LTBP3: variants seen among roughly 807,000 people sequenced by gnomAD.
LTBP3 encodes latent transforming growth factor beta binding protein 3.
A neutral mutation model predicts 159.7 loss-of-function variants in LTBP3; 97 were observed. The observed-to-expected ratio is 0.61, with a 90% confidence interval of 0.52 to 0.72. The LOEUF (loss-of-function observed/expected upper bound fraction) is 0.72. Among genes scored for constraint, LTBP3 ranks in the 30% least tolerant of loss-of-function variants. LTBP3 has a pLI of 0.00. For missense variants in LTBP3, 1,584 were observed against 1,864.3 expected (o/e 0.85, Z 2.77); for synonymous variants, 824 against 777.1 (o/e 1.06, Z -1.00).
At chr11:65,550,438 A>G (rs1856562205) in intron 11 of LTBP3, among the ~76,000 whole-genome samples, 1 of 151,842 alleles carries the variant, frequency 6.6e-6, no homozygotes. Context: ...AAATAAAAAT[A>G]AAAATAAAAA....
chr11:65,540,091 A>C lies in LTBP3; in HGVS notation c.3307T>G (p.Ser1103Ala). Reference sequence around the variant, plus strand: ...GGCGGGCGACACTCGCAGCGGTAGGAGCCCGGCAGGTTGACGCAGCGGCCA... The same window carrying C: ...GGCGGGCGACACTCGCAGCGGTAGGCGCCCGGCAGGTTGACGCAGCGGCCA... Reference protein sequence around the residue: ...RPGRCVNLPGSYRCECRPPWV... With the variant: ...RPGRCVNLPGAYRCECRPPWV... Residue 1103 changes from serine to alanine, a missense_variant, in exon 24 of 28, where the codon TCC becomes GCC. Physicochemically the swap from Ser to Ala is moderately conservative, Grantham distance 99. Transcript: ENST00000301873. 1 of 1,526,044 alleles carries C rather than the reference A, an allele frequency of 6.6e-7. No homozygotes were observed. The highest frequency in any genetic ancestry group is 8.8e-7 in the Non-Finnish European group (1 of 1,141,146). The allele number at this position is 1,526,044 out of a possible 1,614,324, so 94.5% of individuals were successfully genotyped here. A position where few individuals can be genotyped will look rare whatever the true frequency, so the allele number is the denominator to read the frequency against.
Position 65,553,454 on chromosome 11 carries a change from C to T in LTBP3, c.941G>A (p.Ser314Asn). The change falls in exon 4 of 28, where the codon AGC becomes AAC. Residue 314 changes from serine to asparagine, a missense_variant. Transcript: ENST00000301873. The surrounding 1 kb of genome is among the most constrained non-coding windows in gnomAD (Gnocchi z 6.5). ...CAGCTGGGGACACTTGTGGCACTTG[C>T]TCTGGCCCCAGGCAGTGCCGATGCT... ...CGSIGTAWGQ[S>N]KCHKCPQLQY... 3 of 1,612,526 alleles carry T rather than the reference C, an allele frequency of 1.9e-6. No homozygotes were observed. The highest frequency in any genetic ancestry group is 2.2e-5 in the South Asian group (2 of 91,008).
At position 65,543,392 on chromosome 11, in the gene LTBP3, G is replaced by T. The variant is rs752929581; in HGVS notation, c.2476+35C>A. ...GGGGTGGGGGTCCTGGGGTAGGGAG[G>T]GACAGGTCAGCACCCCAGCTCTAAG... On this transcript the variant is annotated intron_variant, in intron 17 of 27. Coordinates refer to ENST00000301873, the MANE Select transcript of LTBP3 (RefSeq NM_001130144.3). 3 of 1,613,336 alleles carry T rather than the reference G, an allele frequency of 1.9e-6. No homozygotes were observed. In the Admixed American group the frequency reaches 5.0e-5, roughly 27 times the overall value.
rs1053251 is a variant in LTBP3, at chr11:65,539,179, C to T, written c.3813G>A (p.Glu1271=). The T allele has an allele frequency of 3.7e-5, 56 of 1,514,158 alleles. No individual in the cohort carries two copies. The South Asian group carries it at 6.6e-4, about 18-fold the overall frequency. 93.8% of individuals were successfully genotyped at this position (1,514,158 alleles called of 1,614,324 possible). The change falls in exon 28 of 28, where the codon GAG becomes GAA. Residue 1271 remains glutamate (E), a synonymous_variant. Transcript: ENST00000301873. Reference sequence around the variant, plus strand: ...AGGAGCCGCTGGTGTTCACGCAGCGCTCGCTCTTGCACAGCAGCCCGCGCT... The same window carrying T: ...AGGAGCCGCTGGTGTTCACGCAGCGTTCGCTCTTGCACAGCAGCCCGCGCT... ...LNQRGLLCKS[E]RCVNTSGSFR... is the part of the protein sequence containing the mutation.
rs1856257248 is a variant in LTBP3, at chr11:65,543,809, T to G, written c.2354-260A>C. On this transcript the variant is annotated intron_variant, in intron 16 of 27. Transcript: ENST00000301873. Reference sequence around the variant, plus strand: ...CTCTCCCTGCCCCAGCCGCTTTCACTGCTGCTCCCACCCTTCCCTCACCTG... The same window carrying G: ...CTCTCCCTGCCCCAGCCGCTTTCACGGCTGCTCCCACCCTTCCCTCACCTG... The G allele has an allele frequency of 1.9e-5, 10 of 517,784 alleles. 1 individual carries two copies. Among genetic ancestry groups the G allele is most frequent in the South Asian group, 1.8e-4 (9 of 48,702 alleles). The allele number at this position is 517,784 out of a possible 1,614,324, so 32.1% of individuals were successfully genotyped here.
At chr11:65,539,519 C>T in intron 26 of LTBP3, 29 bp downstream of exon 26, 4 of 1,606,712 alleles carry the variant, frequency 2.5e-6, no homozygotes, top group Non-Finnish European at 3.4e-6. Flanking sequence ...GCTACCAACC[C>T]CGCCACCGCC....
chr11:65,557,735 A>G lies in LTBP3; in HGVS notation c.225T>C (p.Cys75=). 6.2e-7 allele frequency: 1 copy of G among 1,607,508 alleles called. No individual in the cohort carries two copies. The highest frequency in any genetic ancestry group is 8.5e-7 in the Non-Finnish European group (1 of 1,179,812). ...AACTGTCCCGACACTGGCCCTTGAG[A>G]CAGGTCCGCTTGCAGATCACCGGCG... ...VFAPVICKRT[C]LKGQCRDSCQ... The change falls in exon 1 of 28, where the codon TGT becomes TGC. Residue 75 remains cysteine, a synonymous_variant. Coordinates refer to ENST00000301873, the MANE Select transcript of LTBP3 (RefSeq NM_001130144.3).
intron 18 of LTBP3, 37 bp from the exon 19 acceptor site, chr11:65,541,765 CCT>C (rs1489436325): frequency 1.9e-6 from 3 of 1,612,704 alleles, no homozygotes; most frequent in Non-Finnish European, 2.5e-6. Flanking sequence ...AAACCCAGCC[CCT>C]CTTTCCCTGG....
At chr11:65,549,031 C>G (rs1479919107) in intron 11 of LTBP3, 1 of 152,190 alleles carries the variant, frequency 6.6e-6, no homozygotes, top group Non-Finnish European at 1.5e-5. Flanking sequence ...GTTACTGAAC[C>G]TCTTTGAGGC....
At chr11:65,540,704 G>T (rs909502194) in intron 21 of LTBP3, 90 bp from the exon 22 acceptor site, 3 of 1,531,764 alleles carry the variant, frequency 2.0e-6, no homozygotes, top group African/African-American at 4.2e-5. Flanking sequence ...AGCCATCCCC[G>T]GGCGGGGCCT....
chr11:65,546,701 G>C lies in LTBP3; in HGVS notation c.2230+97C>G. The C allele has an allele frequency of 6.6e-7, 1 of 1,524,500 alleles. No individual in the cohort carries two copies. The highest frequency in any genetic ancestry group is 2.4e-5 in the East Asian group (1 of 42,044). The allele number at this position is 1,524,500 out of a possible 1,614,324, so 94.4% of individuals were successfully genotyped here. On this transcript the variant is annotated intron_variant, in intron 15 of 27. Transcript: ENST00000301873. The surrounding 1 kb of genome is among the most constrained non-coding windows in gnomAD (Gnocchi z 4.0). ...CTCCCGGAAGGCCCCGCCCCCAGAC[G>C]CCAATCACCACCGCTACCCCGCCCC...
At chr11:65,540,836 A>G in intron 21 of LTBP3, 35 bp downstream of exon 21, 1 of 1,586,414 alleles carries the variant, frequency 6.3e-7, no homozygotes, top group Non-Finnish European at 8.6e-7. Context: ...CCGGGGTGAG[A>G]GGGCGCGGGG....
rs71036212 is a variant in LTBP3, at chr11:65,557,854, CCAGCAGCAGCAGCAGCAGCAG to C, written c.85_105del (p.Leu29_Leu35del). The C allele has an allele frequency of 6.1e-6, 8 of 1,320,256 alleles. No individual in the cohort carries two copies. Among genetic ancestry groups the C allele is most frequent in the Non-Finnish European group, 6.8e-6 (7 of 1,026,566 alleles). The allele number at this position is 1,320,256 out of a possible 1,614,324, so 81.8% of individuals were successfully genotyped here. On this transcript the variant is annotated inframe_deletion, in exon 1 of 28. Transcript: ENST00000301873. ...CCCCCCTCGACCCTGCCGCCCAGGC[CCAGCAGCAGCAGCAGCAGCAG>C]CAGCAGCAGCGCCAGCAGCCCCGCC...
chr11:65,541,096 A>C (rs1856115594), intron 20 of LTBP3, 30 bp downstream of exon 20: 1 of 1,604,986 alleles, frequency 6.2e-7, no homozygotes, highest in African/African-American at 1.3e-5. Context: ...GAAACTGAAG[A>C]TCTGGGAAGG....
In LTBP3 at chr11:65,547,549, T is replaced by C; in HGVS notation, c.1997A>G (p.Lys666Arg). 1 of 1,613,926 alleles carries C rather than the reference T, an allele frequency of 6.2e-7. No individual in the cohort carries two copies. Among genetic ancestry groups the C allele is most frequent in the Admixed American group, 1.7e-5 (1 of 60,016 alleles). ...RSCVDLNECAKPHLCGDGGFC... is the reference protein window; with the variant it reads ...RSCVDLNECARPHLCGDGGFC... ...GCCGCCGTCGCCGCACAGGTGGGGC[T>C]TGGCGCATTCGTTCAGGTCTGTGCG... Residue 666 changes from lysine to arginine, a missense_variant, in exon 14 of 28, where the codon AAG (lysine) becomes AGG (arginine). Physicochemically the swap from Lys to Arg is conservative, Grantham distance 26 (BLOSUM62 2). Transcript: ENST00000301873. The surrounding 1 kb of genome is among the most constrained non-coding windows in gnomAD (Gnocchi z 4.6).
Position 65,554,064 on chromosome 11 carries a change from C to A in LTBP3, c.648G>T (p.Gln216His), listed in dbSNP as rs1421047268. The A allele has an allele frequency of 2.5e-6, 4 of 1,603,908 alleles. No individual in the cohort carries two copies. Among genetic ancestry groups the A allele is most frequent in the Non-Finnish European group, 3.4e-6 (4 of 1,179,424 alleles). ...GTTGCCTGGTACCTTCTGCTGAGAT[C>A]TGTCCCGGGCCTAGGGGCACCAGGA... is the stretch of plus-strand genomic sequence containing the variant. ...AAFLVPLGPG[Q>H]ISAEVQAPPP... The change falls in exon 2 of 28, where the codon CAG becomes CAT. Residue 216 changes from glutamine (Q) to histidine (H), a missense_variant. This residue lies in a region of LTBP3 where 194 missense variants were observed against 198.7 expected (regional missense o/e 0.98). Coordinates refer to ENST00000301873, the MANE Select transcript of LTBP3 (RefSeq NM_001130144.3). This position sits in a 1 kb window ranked among gnomAD's most constrained non-coding sequence, Gnocchi z 5.3.
Position 65,552,821 on chromosome 11 carries a change from G to A in LTBP3, c.1186+39C>T, listed in dbSNP as rs573133293. The A allele has an allele frequency of 2.9e-5, 46 of 1,613,978 alleles. No homozygotes were observed. In the East Asian group the frequency reaches 1.0e-3, roughly 35 times the overall value. ...ATCTCTGATCCTTGCTCCCACCCATGCCTTGTGACCTCCCAGGAACCTGAG... is the reference window on the plus strand; with the variant it reads ...ATCTCTGATCCTTGCTCCCACCCATACCTTGTGACCTCCCAGGAACCTGAG... On this transcript the variant is annotated intron_variant, in intron 6 of 27. Coordinates refer to ENST00000301873, the MANE Select transcript of LTBP3 (RefSeq NM_001130144.3). This position sits in a 1 kb window ranked among gnomAD's most constrained non-coding sequence, Gnocchi z 6.0.
At position 65,557,967 on chromosome 11, in the gene LTBP3, C is replaced by T. The variant is rs1408042223; in HGVS notation, c.-8G>A. On this transcript the variant is annotated 5_prime_UTR_variant, in exon 1 of 28. Transcript: ENST00000301873. ...CCCTCGGGGCCCGGGCATCCGGGGCCGCAGGACCCGGGGGAGGGGGGGCGC... is the reference window on the plus strand; with the variant it reads ...CCCTCGGGGCCCGGGCATCCGGGGCTGCAGGACCCGGGGGAGGGGGGGCGC... The T allele has an allele frequency of 1.7e-6, 2 of 1,149,578 alleles. No homozygotes were observed. Among genetic ancestry groups the T allele is most frequent in the Non-Finnish European group, 2.1e-6 (2 of 938,896 alleles). 71.2% of individuals were successfully genotyped at this position (1,149,578 alleles called of 1,614,324 possible).
Position 65,547,450 on chromosome 11 carries a change from G to C in LTBP3, c.2096C>G (p.Pro699Arg). 1 of 1,613,924 alleles carries C rather than the reference G, an allele frequency of 6.2e-7. No homozygotes were observed. Residue 699 changes from proline to arginine, a missense_variant, in exon 14 of 28, where the codon CCT becomes CGT. Physicochemically the swap from Pro to Arg is moderately radical, Grantham distance 103 (BLOSUM62 -2). Transcript: ENST00000301873. This position sits in a 1 kb window ranked among gnomAD's most constrained non-coding sequence, Gnocchi z 4.6. ...PGYRLKASRP[P>R]VCEDIDECRD... Reference sequence around the variant, plus strand: ...TGGGGTCCCCTCACCTTCGCACACAGGAGGCCGGGAGGCTTTGAGCCGGTA... The same window carrying C: ...TGGGGTCCCCTCACCTTCGCACACACGAGGCCGGGAGGCTTTGAGCCGGTA...
Sources: gnomAD v4.1 joint callset for allele counts (sites outside exome capture counted in the v4.1 genomes callset) on GRCh38, gnomAD v4.1.1 for gene constraint, gnomAD v4.1.1 regional missense constraint, Gnocchi (gnomAD v3.1) non-coding constraint, MANE v1.5 for transcripts, NCBI Gene and HGNC (gene_info 2026-07-23, HGNC 2026-07-21) for gene names.